Variants in HS6ST3 observed in about 807,000 individuals in gnomAD.
HS6ST3 encodes the protein heparan-sulfate 6-O-sulfotransferase 3.
A neutral mutation model predicts 36.7 loss-of-function variants in HS6ST3; 12 were observed. The observed-to-expected ratio is 0.33, with a 90% CI of 0.21 to 0.53. The LOEUF (loss-of-function observed/expected upper bound fraction) is 0.53. HS6ST3 is among the 20% of genes least tolerant of loss of function. The probability of loss-of-function intolerance (pLI) is 0.95; values close to 1 mark genes in which losing one functional copy is unlikely to be tolerated. For missense variants in HS6ST3, 584 were observed against 640.9 expected, an observed-to-expected ratio of 0.91 and a Z score of 0.96; for synonymous variants, 240 against 257.5, an observed-to-expected ratio of 0.93 and a Z score of 0.65.
rs143399068 is a variant in HS6ST3, at chr13:96,151,719, A to G, written c.707+60150A>G. Among the ~76,000 whole-genome samples, 170 of 152,296 alleles carry G rather than the reference A, an allele frequency of 1.1e-3. 1 individual carries two copies. Among genetic ancestry groups the G allele is most frequent in the African/African-American group, 3.9e-3 (164 of 41,564 alleles). ...GCCATGTGCCTCTGAAACGTGTATG[A>G]AAGCATCCTGCCTTGCCTCTTGTAG... On this transcript the variant is annotated intron_variant, in intron 1 of 1. Coordinates refer to ENST00000376705, the MANE Select transcript of HS6ST3 (RefSeq NM_153456.4).
rs934061976 is a variant in HS6ST3, at chr13:96,753,464, CTGT to C, written c.708-79021_708-79019del. 5.9e-5 allele frequency among the ~76,000 whole-genome samples: 9 copies of C among 152,118 alleles called. No individual in the cohort carries two copies. In the East Asian group the frequency reaches 7.7e-4, roughly 13 times the overall value. On this transcript the variant is annotated intron_variant, in intron 1 of 1. Coordinates refer to ENST00000376705, the MANE Select transcript of HS6ST3 (RefSeq NM_153456.4). ...TTAAATTTTTAGATACTGTATATTT[CTGT>C]TGTTATTTTAAATGTTATCTATTTG...
At chr13:96,349,386 T>G (rs2055171216) in intron 1 of HS6ST3, among the ~76,000 whole-genome samples, 1 of 152,166 alleles carries the variant, frequency 6.6e-6, no homozygotes, top group African/African-American at 2.4e-5. Flanking sequence ...TTTTTATTAG[T>G]TTGTTTTGGA....
At position 96,112,584 on chromosome 13, in the gene HS6ST3, T is replaced by TATATATATAC. The variant is rs1566884896; in HGVS notation, c.707+21024_707+21025insCATATATATA. On this transcript the variant is annotated intron_variant, in intron 1 of 1. Transcript: ENST00000376705. ...CCCATCTCTAAAATAAATAAATATA[T>TATATATATAC]ATATATATATATATATATATATATA... is the stretch of plus-strand genomic sequence containing the variant. 2.6e-3 allele frequency among the ~76,000 whole-genome samples: 23 copies of TATATATATAC among 8,778 alleles called. 2 individuals are homozygous for TATATATATAC. Among genetic ancestry groups the TATATATATAC allele is most frequent in the African/African-American group, 5.7e-3 (20 of 3,506 alleles). The allele number at this position is 8,778 out of a possible 152,430, so 5.8% of individuals were successfully genotyped here. A position where few individuals can be genotyped will look rare whatever the true frequency, so the allele number is the denominator to read the frequency against.
intron 1 of HS6ST3, among the ~76,000 whole-genome samples, chr13:96,773,162 G>A (rs1485369131): frequency 6.6e-6 from 1 of 152,218 alleles, no homozygotes; most frequent in African/African-American, 2.4e-5. Context: ...CATGGTCTTT[G>A]CACCCTGCAG....
At chr13:96,104,999 G>A (rs761374112) in intron 1 of HS6ST3, among the ~76,000 whole-genome samples, 4 of 148,184 alleles carry the variant, frequency 2.7e-5, no homozygotes, top group Admixed American at 1.4e-4. Context: ...ACACAATAAT[G>A]TACAGGGCAA....
At chr13:96,124,884 C>T (rs1460624195) in intron 1 of HS6ST3, among the ~76,000 whole-genome samples, 4 of 152,112 alleles carry the variant, frequency 2.6e-5, no homozygotes, top group Admixed American at 2.0e-4. Context: ...TGATACGCCA[C>T]CCCTGAATAT....
At chr13:96,464,368 A>T (rs1304461894) in intron 1 of HS6ST3, among the ~76,000 whole-genome samples, 1 of 151,994 alleles carries the variant, frequency 6.6e-6, no homozygotes, top group African/African-American at 2.4e-5. Context: ...GCGGCACCTG[A>T]ATAAGGACAT....
intron 1 of HS6ST3, among the ~76,000 whole-genome samples, chr13:96,797,618 CAG>C (rs1478395617): frequency 5.9e-5 from 9 of 152,198 alleles, no homozygotes; most frequent in African/African-American, 9.6e-5. Flanking sequence ...TTATGGGAAA[CAG>C]AGAAATTAAT....
Position 96,836,633 on chromosome 13 carries a change from T to A in HS6ST3, c.*3435T>A, listed in dbSNP as rs1252978592. The A allele has an allele frequency of 6.6e-6, 1 of 152,150 alleles. No homozygotes were observed. The highest frequency in any genetic ancestry group is 1.5e-5 in the Non-Finnish European group (1 of 68,020). The allele number at this position is 152,150 out of a possible 1,614,324, so 9.4% of individuals were successfully genotyped here. ...CTCCTTGTTATGCCTTTAAGGTAATTTTTAAAAAAAATCTGAGTAGAGATA... is the reference window on the plus strand; with the variant it reads ...CTCCTTGTTATGCCTTTAAGGTAATATTTAAAAAAAATCTGAGTAGAGATA... On this transcript the variant is annotated 3_prime_UTR_variant, in exon 2 of 2. Coordinates refer to ENST00000376705, the MANE Select transcript of HS6ST3 (RefSeq NM_153456.4).
chr13:96,668,704 TTTTTTTTTTTTTTTTTTTTTTTG>T (rs2056672973), intron 1 of HS6ST3, among the ~76,000 whole-genome samples: 2 of 94,232 alleles, frequency 2.1e-5, no homozygotes, highest in East Asian at 2.9e-4. Context: ...TTTTTTTTTT[TTTTTTTTTTTTTTTTTTTTTTTG>T]TATCAGGTAC....
At chr13:96,660,473 T>C (rs1177193370) in intron 1 of HS6ST3, among the ~76,000 whole-genome samples, 1 of 152,132 alleles carries the variant, frequency 6.6e-6, no homozygotes, top group Non-Finnish European at 1.5e-5. Context: ...TGCATATCCA[T>C]GTGCAAAAGA....
chr13:96,167,761 G>C (rs2054168283), intron 1 of HS6ST3, among the ~76,000 whole-genome samples: 1 of 152,196 alleles, frequency 6.6e-6, no homozygotes, highest in African/African-American at 2.4e-5. Context: ...GTGTCATATA[G>C]TATATGAGAA....
intron 1 of HS6ST3, among the ~76,000 whole-genome samples, chr13:96,224,334 CT>C (rs200207973): frequency 1.9e-4 from 28 of 149,094 alleles, no homozygotes; most frequent in African/African-American, 4.9e-4. Context: ...CTGTTTGTCA[CT>C]TTTTTTTTTA....
At chr13:96,550,651 GT>G (rs146390953) in intron 1 of HS6ST3, among the ~76,000 whole-genome samples, 131 of 148,376 alleles carry the variant, frequency 8.8e-4, no homozygotes, top group Non-Finnish European at 1.6e-3. Context: ...AATATTTTAT[GT>G]TTTTTTTTTG....
intron 1 of HS6ST3, among the ~76,000 whole-genome samples, chr13:96,365,223 A>G (rs2139437720): frequency 6.6e-6 from 1 of 152,216 alleles, no homozygotes; most frequent in African/African-American, 2.4e-5. Flanking sequence ...GGGAGGAGGA[A>G]CGCCCCTCAC....
chr13:96,769,734 C>CTGTG (rs66777701), intron 1 of HS6ST3, among the ~76,000 whole-genome samples: 5,236 of 140,246 alleles, frequency 0.037, 283 homozygotes, highest in African/African-American at 0.13. Context: ...ATTCCTAGCT[C>CTGTG]TGTGTGTGTG....
At chr13:96,205,729 A>G (rs1173518682) in intron 1 of HS6ST3, among the ~76,000 whole-genome samples, 1 of 152,128 alleles carries the variant, frequency 6.6e-6, no homozygotes, top group African/African-American at 2.4e-5. Flanking sequence ...CAAAAACCAC[A>G]TGATTATCCC....
At chr13:96,717,717 A>T (rs539032678) in intron 1 of HS6ST3, among the ~76,000 whole-genome samples, 2 of 152,316 alleles carry the variant, frequency 1.3e-5, no homozygotes, top group Admixed American at 6.5e-5. Flanking sequence ...CTCAGAAATG[A>T]GACAGACCTC....
At chr13:96,377,843 A>G (rs142674441) in intron 1 of HS6ST3, among the ~76,000 whole-genome samples, 18 of 152,326 alleles carry the variant, frequency 1.2e-4, no homozygotes, top group African/African-American at 4.1e-4. Context: ...TTAAAGGTCC[A>G]GGACCAGAGC....
Sources: gnomAD v4.1 joint callset for allele counts (sites outside exome capture counted in the v4.1 genomes callset) on GRCh38, gnomAD v4.1.1 for gene constraint, MANE v1.5 for transcripts, NCBI Gene and HGNC (gene_info 2026-07-23, HGNC 2026-07-21) for gene names.